The following FRMD5 variants were observed in gnomAD, a reference collection of about 807,000 sequenced individuals.
FRMD5 encodes FERM domain-containing protein 5.
A neutral mutation model predicts 69.0 loss-of-function variants in FRMD5; 20 were observed. The observed-to-expected ratio is 0.29, with a 90% CI of 0.20 to 0.42. The LOEUF (loss-of-function observed/expected upper bound fraction) is 0.42, where lower values mean the gene tolerates loss of function less well. Among genes scored for constraint, FRMD5 ranks in the 10% least tolerant of loss-of-function variants. The pLI is 1.00. For synonymous variants in FRMD5, 271 were observed against 260.1 expected, an observed-to-expected ratio of 1.04 and a Z score of -0.40; for missense variants, 595 against 708.6, an observed-to-expected ratio of 0.84 and a Z score of 1.82.
intron 1 of FRMD5, among the ~76,000 whole-genome samples, chr15:44,052,908 GAC>G (rs1288920533): frequency 1.3e-5 from 2 of 152,138 alleles, no homozygotes; most frequent in African/African-American, 4.8e-5. Flanking sequence ...CATAAAATGA[GAC>G]ACACTCCCTG....
intron 11 of FRMD5, 49 bp from the exon 12 acceptor site, chr15:43,884,844 T>C (rs776687995): frequency 1.3e-6 from 2 of 1,489,412 alleles, no homozygotes; most frequent in Non-Finnish European, 9.4e-7. Context: ...GACTGTGTTG[T>C]AGGACAGCTC....
At chr15:44,171,489 C>A (rs578201204) in intron 1 of FRMD5, among the ~76,000 whole-genome samples, 1 of 152,084 alleles carries the variant, frequency 6.6e-6, no homozygotes, top group African/African-American at 2.4e-5. Flanking sequence ...TTTTAATATA[C>A]GTTGAAGTAT....
intron 1 of FRMD5, among the ~76,000 whole-genome samples, chr15:44,003,730 CCCAT>C (rs1231985498): frequency 6.6e-6 from 1 of 152,222 alleles, no homozygotes; most frequent in East Asian, 1.9e-4. Context: ...ATTACAACCA[CCCAT>C]CCAACTCTAG....
At chr15:44,000,928 C>T (rs1025386712) in intron 1 of FRMD5, among the ~76,000 whole-genome samples, 1 of 152,190 alleles carries the variant, frequency 6.6e-6, no homozygotes, top group African/African-American at 2.4e-5. Context: ...ATCCTCCCAC[C>T]TCAGCCACCC....
intron 1 of FRMD5, among the ~76,000 whole-genome samples, chr15:43,928,167 C>T (rs1463080080): frequency 2.0e-5 from 3 of 152,206 alleles, no homozygotes; most frequent in Admixed American, 6.5e-5. Context: ...CCTGCTCCCC[C>T]GCCGTGAAGA....
At chr15:43,943,717 C>T (rs74009160) in intron 1 of FRMD5, among the ~76,000 whole-genome samples, 12,170 of 152,228 alleles carry the variant, frequency 0.08, 802 homozygotes, top group African/African-American at 0.18. Context: ...TTGCCAGCAA[C>T]CACTAGCAGC....
At chr15:43,971,743 G>A (rs930824653) in intron 1 of FRMD5, among the ~76,000 whole-genome samples, 1 of 149,214 alleles carries the variant, frequency 6.7e-6, no homozygotes, top group Non-Finnish European at 1.5e-5. Context: ...TTTCACTCTT[G>A]TTGCCCAGGC....
chr15:44,146,895 G>A (rs1793247880), intron 1 of FRMD5, among the ~76,000 whole-genome samples: 1 of 151,996 alleles, frequency 6.6e-6, no homozygotes, highest in African/African-American at 2.4e-5. Context: ...CTGGATATTA[G>A]ACCTTTGTCA....
At chr15:44,178,795 C>A (rs2077945355) in intron 1 of FRMD5, among the ~76,000 whole-genome samples, 1 of 152,112 alleles carries the variant, frequency 6.6e-6, no homozygotes, top group South Asian at 2.1e-4. Flanking sequence ...GAGTTCGAGA[C>A]CAGCCTGACC....
chr15:43,952,737 G>A (rs981068873), intron 1 of FRMD5, among the ~76,000 whole-genome samples: 3 of 152,226 alleles, frequency 2.0e-5, no homozygotes, highest in African/African-American at 7.2e-5. Flanking sequence ...GCAGCCATGC[G>A]GTCAGCACGC....
At chr15:44,090,444 T>TTTC (rs71299550) in intron 1 of FRMD5, among the ~76,000 whole-genome samples, 2 of 109,622 alleles carry the variant, frequency 1.8e-5, no homozygotes, top group Non-Finnish European at 4.3e-5. Context: ...GAATAACTAC[T>TTTC]TTTTTTTTTT....
intron 1 of FRMD5, among the ~76,000 whole-genome samples, chr15:44,107,540 C>T (rs1358224152): frequency 1.3e-5 from 2 of 152,044 alleles, no homozygotes; most frequent in Non-Finnish European, 2.9e-5. Context: ...TCTATTCTCT[C>T]TTGATTTGTA....
intron 1 of FRMD5, among the ~76,000 whole-genome samples, chr15:44,008,802 A>C (rs1890578022): frequency 1.3e-5 from 2 of 151,584 alleles, no homozygotes. Context: ...TGAGGCAGGC[A>C]GATCACCAGG....
intron 1 of FRMD5, among the ~76,000 whole-genome samples, chr15:43,987,187 A>G (rs1195473534): frequency 6.6e-6 from 1 of 152,232 alleles, no homozygotes. Context: ...TAAGTGTTCA[A>G]GTGAAAGGAA....
chr15:44,047,535 A>G (rs1238381852), intron 1 of FRMD5, among the ~76,000 whole-genome samples: 1 of 152,184 alleles, frequency 6.6e-6, no homozygotes, highest in Non-Finnish European at 1.5e-5. Context: ...TAATACAAAC[A>G]TCTATGACAA....
chr15:44,194,879 C>G, intron 1 of FRMD5, 74 bp downstream of exon 1: 1 of 1,330,614 alleles, frequency 7.5e-7, no homozygotes, highest in East Asian at 2.6e-5. Flanking sequence ...GGGCGGCGGC[C>G]GCCGCCGGCC....
chr15:44,052,572 T>C (rs184279802), intron 1 of FRMD5, among the ~76,000 whole-genome samples: 1 of 151,398 alleles, frequency 6.6e-6, no homozygotes, highest in African/African-American at 2.5e-5. Context: ...AATCAAAATA[T>C]TGCTCAGGAC....
At position 43,874,310 on chromosome 15, in the gene FRMD5, C is replaced by A. The variant is rs754227679; in HGVS notation, c.1288G>T (p.Val430Leu). ...TGCTCAGCCACAGGGGTGGGCAGCA[C>A]GCTGTCTGCAGGGCTGTAGGCCTCG... is the stretch of plus-strand genomic sequence containing the variant. ...ADEAYSPADS[V>L]LPTPVAEHSL... The change falls in exon 14 of 14, where the codon GTG (valine) becomes TTG (leucine). Residue 430 changes from valine to leucine, a missense_variant. Physicochemically the swap from Val to Leu is conservative, Grantham distance 32 (BLOSUM62 1). This residue lies in a region of FRMD5 where 245 missense variants were observed against 227.1 expected (regional missense o/e 1.08). Coordinates refer to ENST00000417257, the MANE Select transcript of FRMD5 (RefSeq NM_032892.5). 2 of 1,614,226 alleles carry A rather than the reference C, an allele frequency of 1.2e-6. No homozygotes were observed. Among genetic ancestry groups the A allele is most frequent in the Admixed American group, 1.7e-5 (1 of 60,034 alleles).
intron 5 of FRMD5, among the ~76,000 whole-genome samples, chr15:43,909,264 G>T (rs2089239777): frequency 6.6e-6 from 1 of 151,730 alleles, no homozygotes; most frequent in South Asian, 2.1e-4. Context: ...GCTGGGCATG[G>T]TGGTGGGCGC....
Sources: allele counts gnomAD v4.1 joint callset (sites outside exome capture counted in the v4.1 genomes callset), GRCh38; gene constraint gnomAD v4.1.1; regional missense constraint gnomAD v4.1.1; transcripts MANE v1.5; gene names NCBI Gene and HGNC (gene_info 2026-07-23, HGNC 2026-07-21).